CLSPN: variants seen among roughly 807,000 people sequenced by gnomAD.
CLSPN encodes the protein claspin homolog.
In CLSPN, 85 loss-of-function variants were observed where a neutral mutation model predicts 156.3. That is an observed-to-expected ratio of 0.54 (90% CI 0.46 to 0.65). The LOEUF (loss-of-function observed/expected upper bound fraction) is 0.65, where lower values mean the gene tolerates loss of function less well. Among genes scored for constraint, CLSPN ranks in the 30% least tolerant of loss-of-function variants. The pLI, the probability that CLSPN is intolerant of heterozygous loss-of-function variation, is 0.00. For synonymous variants in CLSPN, 534 were observed against 542.4 expected, an observed-to-expected ratio of 0.98 and a Z score of 0.22; for missense variants, 1,407 against 1,554.9, an observed-to-expected ratio of 0.90 and a Z score of 1.60.
Position 35,748,567 on chromosome 1 carries a change from GCT to G in CLSPN, c.2308_2309del (p.Ser770GlnfsTer4), listed in dbSNP as rs1557511399. On this transcript the variant is annotated frameshift_variant, in exon 13 of 25. Coordinates refer to ENST00000318121, the MANE Select transcript of CLSPN (RefSeq NM_022111.4). LOFTEE classifies it high-confidence loss of function. ...DDSCSLLTKE[S>X]SHNSSFELIG... ...TCAGCTCAAAGCTGCTATTGTGGCT[GCT>G]CTCCTTTGTTAGCAATGAACATGAA... The G allele has an allele frequency of 6.2e-7, 1 of 1,614,110 alleles. No individual in the cohort carries two copies. Among genetic ancestry groups the G allele is most frequent in the Non-Finnish European group, 8.5e-7 (1 of 1,179,974 alleles).
At chr1:35,725,384 G>C (rs988844831) in intron 24 of CLSPN, among the ~76,000 whole-genome samples, 6 of 152,186 alleles carry the variant, frequency 3.9e-5, no homozygotes, top group Non-Finnish European at 7.3e-5. Context: ...CAAGGCTCTT[G>C]ATCATCCAGT....
chr1:35,767,172 T>C (rs1009276411), intron 1 of CLSPN, among the ~76,000 whole-genome samples: 1 of 152,148 alleles, frequency 6.6e-6, no homozygotes, highest in African/African-American at 2.4e-5. Flanking sequence ...CGGATGATGA[T>C]TCAAAAAACT....
At chr1:35,755,525 G>C (rs776022763) in intron 8 of CLSPN, among the ~76,000 whole-genome samples, 8 of 151,672 alleles carry the variant, frequency 5.3e-5, no homozygotes, top group Admixed American at 1.3e-4. Context: ...CACCCACCTC[G>C]GCCTCCCAAA....
In CLSPN at chr1:35,733,928, T is replaced by C. The variant is rs1207567712; in HGVS notation, c.*2568A>G. The C allele has an allele frequency of 2.4e-6, 2 of 845,180 alleles. No homozygotes were observed. The highest frequency in any genetic ancestry group is 2.8e-6 in the Non-Finnish European group (2 of 702,142). 52.4% of individuals were successfully genotyped at this position (845,180 alleles called of 1,614,324 possible). On this transcript the variant is annotated 3_prime_UTR_variant, in exon 25 of 25. Transcript: ENST00000318121. ...CCAGGAGTTCAAGGGTACAGTGAGC[T>C]ATGATTGTGCCACTGCACTCTAACC...
rs536778268 is a variant in CLSPN at position 35,737,518 on chromosome 1, T to C, written c.3665-97A>G. ...AAGAAATCTTGTAACTAAATCAATA[T>C]GCTAAAGCCATGGGAACTCTGTTCT... On this transcript the variant is annotated intron_variant, in intron 22 of 24. Transcript: ENST00000318121. 3 of 922,666 alleles carry C rather than the reference T, an allele frequency of 3.3e-6. No individual in the cohort carries two copies. The South Asian group carries it at 4.2e-5, about 13-fold the overall frequency. 57.2% of individuals were successfully genotyped at this position (922,666 alleles called of 1,614,324 possible). A position where few individuals can be genotyped will look rare whatever the true frequency, so the allele number is the denominator to read the frequency against.
At chr1:35,762,213 A>G in intron 5 of CLSPN, 143 bp from the exon 6 acceptor site, 1 of 801,886 alleles carries the variant, frequency 1.2e-6, no homozygotes, top group Non-Finnish European at 2.0e-6. Flanking sequence ...GTATAAACTC[A>G]AGGAATTCAT....
intron 1 of CLSPN, among the ~76,000 whole-genome samples, chr1:35,766,317 A>G (rs186540555): frequency 9.9e-5 from 15 of 151,588 alleles, no homozygotes; most frequent in Admixed American, 7.9e-4. Context: ...AATATATTGC[A>G]AAGAAAAAAA....
In CLSPN at chr1:35,760,706, T is replaced by C. The variant is rs978132866; in HGVS notation, c.1215A>G (p.Glu405=). 1.2e-6 allele frequency: 2 copies of C among 1,614,230 alleles called. No homozygotes were observed. Among genetic ancestry groups the C allele is most frequent in the Non-Finnish European group, 1.7e-6 (2 of 1,180,044 alleles). ...TCTGTTTCTCCTGAATTTCTAGCTC[T>C]TCATTTTTTACCAAATCCTTCCTGC... The part of the protein sequence containing the change: ...ESCRKDLVKN[E]ELEIQEKQKQ... The change falls in exon 8 of 25, where the codon GAA becomes GAG. Residue 405 remains glutamate, a synonymous_variant. Transcript: ENST00000318121.
At position 35,763,301 on chromosome 1, in the gene CLSPN, T is replaced by C. The variant is rs759219034; in HGVS notation, c.603A>G (p.Pro201=). Residue 201 remains proline, a synonymous_variant, in exon 4 of 25, where the codon CCA becomes CCG. Transcript: ENST00000318121. ...CAAGAAGACAGCCACTGTCATTAAA[T>C]GGCTGTTCTACATCATCTTCCTAAG... The part of the protein sequence containing the change: ...TKNQEDDVEQ[P]FNDSGCLLVD... The C allele has an allele frequency of 1.4e-5, 22 of 1,595,584 alleles. 1 individual carries two copies. The South Asian group carries it at 2.4e-4, about 17-fold the overall frequency.
At chr1:35,744,527 C>A (rs1421165960) in intron 16 of CLSPN, among the ~76,000 whole-genome samples, 1 of 152,148 alleles carries the variant, frequency 6.6e-6, no homozygotes, top group East Asian at 1.9e-4. Context: ...AACTCCTGAG[C>A]TCAAGTGATG....
At chr1:35,731,840 A>G (rs900133227), downstream of CLSPN, among the ~76,000 whole-genome samples, 4 of 152,212 alleles carry the variant, frequency 2.6e-5, no homozygotes, top group Non-Finnish European at 5.9e-5. Context: ...GCAGGTTTTT[A>G]GAGAAGATCA....
At chr1:35,750,940 G>A (rs1481159217) in intron 10 of CLSPN, among the ~76,000 whole-genome samples, 18 of 151,522 alleles carry the variant, frequency 1.2e-4, no homozygotes, top group Admixed American at 1.2e-3. Flanking sequence ...AATTTCCTAC[G>A]AATACAAAGC....
chr1:35,738,371 T>C, intron 21 of CLSPN, 84 bp downstream of exon 21: 2 of 1,425,016 alleles, frequency 1.4e-6, no homozygotes, highest in Admixed American at 2.0e-5. Context: ...TTTGAAACTA[T>C]CATGACAAGC....
chr1:35,753,549 TA>T (rs892436932), intron 9 of CLSPN, among the ~76,000 whole-genome samples, 195 bp downstream of exon 9: 4 of 149,340 alleles, frequency 2.7e-5, no homozygotes, highest in South Asian at 2.1e-4. Context: ...AAATGATATC[TA>T]AAAAAAAAAT....
At position 35,733,284 on chromosome 1, in the gene CLSPN, C is replaced by A. The variant is rs758896720; in HGVS notation, c.*3212G>T. 4.7e-6 allele frequency: 1 copy of A among 211,284 alleles called. No homozygotes were observed. The highest frequency in any genetic ancestry group is 8.2e-6 in the Non-Finnish European group (1 of 122,612). 13.1% of individuals were successfully genotyped at this position (211,284 alleles called of 1,614,324 possible). ...CGCCCAGCCCAGAAACCATTTTCTC[C>A]CTGGATTTCTCAGGCACTAATTTTC... On this transcript the variant is annotated 3_prime_UTR_variant, in exon 25 of 25. Transcript: ENST00000318121.
chr1:35,734,540 G>C lies in CLSPN; in HGVS notation c.*1956C>G. 1 of 308,080 alleles carries C rather than the reference G, an allele frequency of 3.2e-6. No homozygotes were observed. The highest frequency in any genetic ancestry group is 4.7e-6 in the Non-Finnish European group (1 of 210,966). The allele number at this position is 308,080 out of a possible 1,614,324, so 19.1% of individuals were successfully genotyped here. On this transcript the variant is annotated 3_prime_UTR_variant, in exon 25 of 25. Coordinates refer to ENST00000318121, the MANE Select transcript of CLSPN (RefSeq NM_022111.4). ...AATAAAAATACAAAAAATTAGCTGG[G>C]AGTGGTGGCAGGTGCCTGTAATCCC...
Position 35,760,323 on chromosome 1 carries a change from C to T in CLSPN, c.1579+19G>A, listed in dbSNP as rs1156364207. ...AGGATAATCACTCCAGGGAGGCTCC[C>T]CACAATGTAAAGGATTACCTCTGTT... On this transcript the variant is annotated intron_variant, in intron 8 of 24. Coordinates refer to ENST00000318121, the MANE Select transcript of CLSPN (RefSeq NM_022111.4). 1 of 1,592,186 alleles carries T rather than the reference C, an allele frequency of 6.3e-7. No individual in the cohort carries two copies. The highest frequency in any genetic ancestry group is 1.3e-5 in the African/African-American group (1 of 74,170).
Position 35,733,389 on chromosome 1 carries a change from A to G in CLSPN, c.*3107T>C. On this transcript the variant is annotated 3_prime_UTR_variant, in exon 25 of 25. Coordinates refer to ENST00000318121, the MANE Select transcript of CLSPN (RefSeq NM_022111.4). ...AGGCTGGTCTCGAACTCCTGAGTTC[A>G]AGCAATGCACCCACCTCAGTCTCCT... 2.8e-6 allele frequency: 2 copies of G among 712,336 alleles called. No homozygotes were observed. The highest frequency in any genetic ancestry group is 3.4e-6 in the Non-Finnish European group (2 of 584,286). 44.1% of individuals were successfully genotyped at this position (712,336 alleles called of 1,614,324 possible). A position where few individuals can be genotyped will look rare whatever the true frequency, so the allele number is the denominator to read the frequency against.
intron 8 of CLSPN, among the ~76,000 whole-genome samples, chr1:35,758,288 C>T (rs1642352235): frequency 6.6e-6 from 1 of 152,006 alleles, no homozygotes; most frequent in South Asian, 2.1e-4. Context: ...AAGCAATCCT[C>T]CCACCTCAGC....
Sources: gnomAD v4.1 joint callset for allele counts (sites outside exome capture counted in the v4.1 genomes callset) on GRCh38, gnomAD v4.1.1 for gene constraint, MANE v1.5 for transcripts, NCBI Gene and HGNC (gene_info 2026-07-23, HGNC 2026-07-21) for gene names.